Variants in SLC2A9 observed in about 807,000 individuals in gnomAD.
The protein encoded by SLC2A9 is solute carrier family 2, facilitated glucose transporter member 9.
Under a neutral mutation model 50.6 loss-of-function variants are expected in SLC2A9, and 39 were observed. The observed-to-expected ratio is 0.77, with a 90% confidence interval of 0.60 to 1.01. The LOEUF (loss-of-function observed/expected upper bound fraction) is 1.01. SLC2A9 is among the 50% of genes least tolerant of loss of function. SLC2A9 has a pLI of 0.00. For synonymous variants in SLC2A9, 324 were observed against 276.9 expected (o/e 1.17, Z -1.69); for missense variants, 686 against 677.6 (o/e 1.01, Z -0.14).
rs191525230 is a variant in SLC2A9 at position 9,881,357 on chromosome 4, C to A, written c.1291+6210G>T. ...GTGACTGAGCAATGTTTGAGCACCA[C>A]TGCTGTGGCTCTGATGGTTTATTTA... On this transcript the variant is annotated intron_variant, in intron 10 of 11. Transcript: ENST00000264784. Among the ~76,000 whole-genome samples the A allele has an allele frequency of 2.6e-3, 394 of 152,302 alleles. 1 individual carries two copies. The highest frequency in any genetic ancestry group is 9.0e-3 in the African/African-American group (373 of 41,558).
At chr4:9,777,943 A>G (rs1477361112), downstream of SLC2A9, among the ~76,000 whole-genome samples, 1 of 152,184 alleles carries the variant, frequency 6.6e-6, no homozygotes, top group East Asian at 1.9e-4. Context: ...CAACTTATAA[A>G]AATCCATGTT....
At chr4:9,815,577 A>T (rs1723463184) in intron 3 of SLC2A9, among the ~76,000 whole-genome samples, 1 of 152,238 alleles carries the variant, frequency 6.6e-6, no homozygotes, top group South Asian at 2.1e-4. Context: ...TTCATGGATT[A>T]AGGAGGGTGG....
intron 10 of SLC2A9, among the ~76,000 whole-genome samples, chr4:9,852,967 G>A (rs1004620551): frequency 6.6e-6 from 1 of 152,130 alleles, no homozygotes; most frequent in Non-Finnish European, 1.5e-5. Context: ...AAGGTGTGCG[G>A]ATCACTTAAG....
intron 3 of SLC2A9, among the ~76,000 whole-genome samples, chr4:9,810,639 G>T (rs1286963900): frequency 1.3e-5 from 2 of 152,246 alleles, no homozygotes; most frequent in Non-Finnish European, 2.9e-5. Context: ...GTTCAAATTG[G>T]CCTAACCAGT....
At chr4:9,842,290 G>T (rs796236840) in intron 10 of SLC2A9, among the ~76,000 whole-genome samples, 1 of 152,154 alleles carries the variant, frequency 6.6e-6, no homozygotes, top group South Asian at 2.1e-4. Flanking sequence ...TGTAGGTGCT[G>T]CTCATCTGAA....
chr4:9,998,967 T>C (rs1464403488), intron 2 of SLC2A9, among the ~76,000 whole-genome samples: 1 of 151,674 alleles, frequency 6.6e-6, no homozygotes, highest in Non-Finnish European at 1.5e-5. Context: ...TGGAGAATTA[T>C]ATATAGACGG....
At chr4:9,880,366 G>A in intron 10 of SLC2A9, 2 of 985,612 alleles carry the variant, frequency 2.0e-6, no homozygotes, top group Non-Finnish European at 2.4e-6. Context: ...GGGCTGACAG[G>A]TGATCTGGGA....
intron 1 of SLC2A9, among the ~76,000 whole-genome samples, chr4:9,772,816 T>A (rs1329460121): frequency 1.6e-5 from 1 of 61,084 alleles, no homozygotes; most frequent in East Asian, 3.4e-4. Context: ...CCATTTTATT[T>A]TTTTTTTTAT....
intron 10 of SLC2A9, among the ~76,000 whole-genome samples, chr4:9,838,542 G>A (rs185817261): frequency 1.1e-4 from 17 of 152,270 alleles, no homozygotes; most frequent in Non-Finnish European, 2.4e-4. Context: ...AGACTGAATA[G>A]CCAAGGCAAT....
At chr4:9,860,126 G>A (rs1229424544) in intron 10 of SLC2A9, among the ~76,000 whole-genome samples, 1 of 152,140 alleles carries the variant, frequency 6.6e-6, no homozygotes, top group East Asian at 1.9e-4. Context: ...CTATCTCTCT[G>A]CCCCCTGGGT....
chr4:9,805,582 T>C (rs1425553226), intron 3 of SLC2A9, among the ~76,000 whole-genome samples: 1 of 151,860 alleles, frequency 6.6e-6, no homozygotes, highest in African/African-American at 2.4e-5. Flanking sequence ...GTGCTTGTAG[T>C]CTTACCTACT....
At chr4:9,847,658 C>T (rs1729199695) in intron 10 of SLC2A9, among the ~76,000 whole-genome samples, 2 of 152,236 alleles carry the variant, frequency 1.3e-5, no homozygotes, top group Admixed American at 1.3e-4. Context: ...GAGCCGTCAG[C>T]ATCTGAGGTC....
intron 3 of SLC2A9, among the ~76,000 whole-genome samples, chr4:9,817,625 CA>C (rs1486392180): frequency 1.3e-5 from 2 of 152,314 alleles, no homozygotes; most frequent in Non-Finnish European, 1.5e-5. Flanking sequence ...GTTTTAGAAA[CA>C]TTTTTTGTTC....
chr4:9,877,064 G>T (rs1220074528), intron 10 of SLC2A9, among the ~76,000 whole-genome samples: 1 of 152,088 alleles, frequency 6.6e-6, no homozygotes, highest in East Asian at 1.9e-4. Context: ...TTGGTCCGGA[G>T]GATTAGAAAG....
chr4:9,837,823 C>G (rs1401442), intron 10 of SLC2A9, among the ~76,000 whole-genome samples: 8 of 152,170 alleles, frequency 5.3e-5, no homozygotes, highest in African/African-American at 1.9e-4. Context: ...CACAGCTCCA[C>G]TGTACACAGG....
At chr4:9,805,571 G>T (rs781476768) in intron 3 of SLC2A9, among the ~76,000 whole-genome samples, 1 of 152,062 alleles carries the variant, frequency 6.6e-6, no homozygotes, top group Non-Finnish European at 1.5e-5. Context: ...CATGGTGGCA[G>T]GTGCTTGTAG....
intron 1 of SLC2A9, among the ~76,000 whole-genome samples, chr4:10,033,022 C>G (rs1249169891): frequency 6.6e-6 from 1 of 152,198 alleles, no homozygotes; most frequent in Non-Finnish European, 1.5e-5. Flanking sequence ...AAACCTTAGT[C>G]CTCCCCAAAA....
At chr4:9,891,961 G>A (rs1416952124) in intron 8 of SLC2A9, among the ~76,000 whole-genome samples, 1 of 152,226 alleles carries the variant, frequency 6.6e-6, no homozygotes, top group African/African-American at 2.4e-5. Context: ...TCACAGCACT[G>A]AGACGAACAG....
downstream of SLC2A9, among the ~76,000 whole-genome samples, chr4:9,777,898 G>T (rs901667344): frequency 7.9e-5 from 12 of 152,160 alleles, no homozygotes; most frequent in Non-Finnish European, 1.5e-4. Context: ...GGCTTTGCAG[G>T]ATGGAGAGGT....
Sources: allele counts gnomAD v4.1 joint callset (sites outside exome capture counted in the v4.1 genomes callset), GRCh38; gene constraint gnomAD v4.1.1; transcripts MANE v1.5; gene names NCBI Gene and HGNC (gene_info 2026-07-23, HGNC 2026-07-21).